The following KIAA1328 variants were observed in gnomAD, a reference collection of about 807,000 sequenced individuals.
KIAA1328 encodes protein hinderin.
KIAA1328 carries 52 observed loss-of-function variants against 68.1 expected under a neutral mutation model. The ratio of observed to expected loss-of-function variants is 0.76; its 90% CI spans 0.61 to 0.96. KIAA1328 has a LOEUF of 0.96. Ranked by LOEUF, KIAA1328 falls within the 40% of genes least tolerant of loss-of-function variation. The probability of loss-of-function intolerance (pLI) is 0.00; values close to 1 mark genes in which losing one functional copy is unlikely to be tolerated. For missense variants in KIAA1328, 641 were observed against 677.6 expected (o/e 0.95, Z 0.60); for synonymous variants, 232 against 239.4 (o/e 0.97, Z 0.28).
intron 5 of KIAA1328, among the ~76,000 whole-genome samples, chr18:36,907,786 TC>T (rs1349075035): frequency 3.3e-5 from 5 of 152,158 alleles, no homozygotes; most frequent in Admixed American, 3.3e-4. Flanking sequence ...CATTTCCCCC[TC>T]TTCAATTTCC....
chr18:37,124,323 C>T (rs913825791), intron 7 of KIAA1328, among the ~76,000 whole-genome samples: 2 of 152,082 alleles, frequency 1.3e-5, no homozygotes, highest in South Asian at 4.2e-4. Flanking sequence ...TAATTCCCTC[C>T]TTCCCTCACC....
chr18:37,101,345 A>G (rs562627395), intron 7 of KIAA1328, among the ~76,000 whole-genome samples: 89 of 152,364 alleles, frequency 5.8e-4, no homozygotes, highest in Non-Finnish European at 9.1e-4. Context: ...GCTGAAAACC[A>G]TGGCACGAGA....
At chr18:36,887,164 C>T in intron 5 of KIAA1328, among the ~76,000 whole-genome samples, 1 of 150,780 alleles carries the variant, frequency 6.6e-6, no homozygotes. Context: ...GGTTGTTGAC[C>T]CTCAAGATAG....
At chr18:37,053,255 A>G (rs2055773687) in intron 6 of KIAA1328, among the ~76,000 whole-genome samples, 1 of 152,194 alleles carries the variant, frequency 6.6e-6, no homozygotes, top group Non-Finnish European at 1.5e-5. Flanking sequence ...CTGTTCAATA[A>G]ATGGTGCTGG....
At chr18:37,090,145 A>C (rs548194429) in intron 7 of KIAA1328, among the ~76,000 whole-genome samples, 1 of 152,352 alleles carries the variant, frequency 6.6e-6, no homozygotes, top group South Asian at 2.1e-4. Context: ...AATTAACTCA[A>C]AATGAACTGT....
intron 5 of KIAA1328, chr18:36,903,786 A>C (rs1227613499): frequency 4.6e-5 from 7 of 152,148 alleles, no homozygotes; most frequent in Non-Finnish European, 1.0e-4. Context: ...GACTCTCCAG[A>C]GGTGTGCAAA....
intron 6 of KIAA1328, among the ~76,000 whole-genome samples, chr18:36,990,325 A>G (rs541807092): frequency 6.6e-6 from 1 of 152,214 alleles, no homozygotes; most frequent in South Asian, 2.1e-4. Flanking sequence ...GTGTATGGAC[A>G]TATTATATTT....
intron 3 of KIAA1328, among the ~76,000 whole-genome samples, chr18:36,836,112 A>G (rs918158982): frequency 1.3e-5 from 2 of 152,194 alleles, no homozygotes; most frequent in Non-Finnish European, 1.5e-5. Context: ...GACCTTTTAT[A>G]GAAAACTTTT....
intron 9 of KIAA1328, among the ~76,000 whole-genome samples, chr18:37,214,431 G>T (rs1466272028): frequency 1.3e-5 from 2 of 151,958 alleles, no homozygotes; most frequent in East Asian, 1.9e-4. Flanking sequence ...TCTTGTTTTT[G>T]TCAGGTTTGT....
intron 3 of KIAA1328, among the ~76,000 whole-genome samples, chr18:36,843,606 A>G (rs546554937): frequency 7.2e-5 from 11 of 152,332 alleles, no homozygotes; most frequent in East Asian, 1.9e-4. Context: ...TTTAATTGCT[A>G]TAATCCTGGA....
chr18:37,104,386 A>G (rs1728301013), intron 7 of KIAA1328, among the ~76,000 whole-genome samples: 1 of 152,232 alleles, frequency 6.6e-6, no homozygotes, highest in Non-Finnish European at 1.5e-5. Context: ...ACTGTAGGTA[A>G]TTACTTTAAG....
intron 4 of KIAA1328, among the ~76,000 whole-genome samples, chr18:36,879,507 C>CT (rs1198512160): frequency 2.6e-5 from 4 of 152,228 alleles, no homozygotes; most frequent in African/African-American, 4.8e-5. Context: ...GGGTCAGAGA[C>CT]TCACTTGAAG....
chr18:37,078,872 A>C (rs1295073255), intron 7 of KIAA1328, among the ~76,000 whole-genome samples: 5 of 150,858 alleles, frequency 3.3e-5, no homozygotes, highest in Non-Finnish European at 3.0e-5. Flanking sequence ...ACACTTTTAC[A>C]CTGTTGGTGG....
At chr18:36,998,059 C>T (rs193051635) in intron 6 of KIAA1328, among the ~76,000 whole-genome samples, 14 of 152,258 alleles carry the variant, frequency 9.2e-5, no homozygotes, top group African/African-American at 3.1e-4. Context: ...GGCTGAGGGT[C>T]GCCCCACCCT....
At chr18:37,228,558 G>A (rs141588534), downstream of KIAA1328, among the ~76,000 whole-genome samples, 12 of 152,212 alleles carry the variant, frequency 7.9e-5, no homozygotes, top group Admixed American at 6.5e-4. Context: ...GGTGGCTCAC[G>A]CCTGTAATCC....
At chr18:37,133,260 A>G (rs2058564544) in intron 7 of KIAA1328, among the ~76,000 whole-genome samples, 2 of 150,362 alleles carry the variant, frequency 1.3e-5, no homozygotes, top group Admixed American at 1.3e-4. Flanking sequence ...TGAACCCGGG[A>G]GGCAGAGGTT....
At chr18:36,968,661 G>T (rs899550357) in intron 6 of KIAA1328, among the ~76,000 whole-genome samples, 1 of 152,158 alleles carries the variant, frequency 6.6e-6, no homozygotes, top group Non-Finnish European at 1.5e-5. Context: ...CCTTCAAAGA[G>T]ACTTAAATTT....
At chr18:36,861,306 G>A (rs528458703) in intron 4 of KIAA1328, among the ~76,000 whole-genome samples, 63 of 151,988 alleles carry the variant, frequency 4.1e-4, no homozygotes, top group Non-Finnish European at 7.7e-4. Flanking sequence ...GTGTTGATAT[G>A]TCTTATCACT....
chr18:36,876,126 T>C (rs1049591333), intron 4 of KIAA1328, among the ~76,000 whole-genome samples: 2 of 152,194 alleles, frequency 1.3e-5, no homozygotes, highest in Non-Finnish European at 2.9e-5. Flanking sequence ...CGTGAAATTT[T>C]CTTTTTTTGT....
Sources: allele counts gnomAD v4.1 joint callset (sites outside exome capture counted in the v4.1 genomes callset), GRCh38; gene constraint gnomAD v4.1.1; transcripts MANE v1.5; gene names NCBI Gene and HGNC (gene_info 2026-07-23, HGNC 2026-07-21).